Variants in NUP210L observed in about 807,000 individuals in gnomAD.
NUP210L encodes the protein nucleoporin 210 like.
NUP210L carries 74 observed loss-of-function variants against 208.5 expected under a neutral mutation model. The observed-to-expected ratio is 0.35, with a 90% CI of 0.29 to 0.43. The LOEUF is 0.43. Ranked by LOEUF, NUP210L falls within the 20% of genes least tolerant of loss-of-function variation. The pLI, the probability that NUP210L is intolerant of heterozygous loss-of-function variation, is 1.00. For synonymous variants in NUP210L, 780 were observed against 816.9 expected (o/e 0.95, Z 0.77); for missense variants, 1,843 against 2,289.4 (o/e 0.81, Z 3.98).
chr1:154,143,486 A>G (rs749391808), exon 3 of NUP210L: 64 of 1,613,916 alleles, frequency 4.0e-5, no homozygotes, highest in Non-Finnish European at 5.0e-5. Context: ...CCAGTGGCGA[A>G]TCATCTACAT....
rs904184379 is a variant in NUP210L at position 154,019,216 on chromosome 1, C to A, written c.4517-147G>T. 7.0e-6 allele frequency: 5 copies of A among 711,778 alleles called. No individual in the cohort carries two copies. The Admixed American group carries it at 1.2e-4, about 17-fold the overall frequency. The allele number at this position is 711,778 out of a possible 1,614,324, so 44.1% of individuals were successfully genotyped here. On this transcript the variant is annotated intron_variant, in intron 32 of 39. Coordinates refer to ENST00000368559, the Ensembl canonical transcript of NUP210L. ...CCAGCTTTGAAGATAACTGTTTTCT[C>A]AGTGTCAGGTTCCTCTTCGTATATC...
At position 154,056,448 on chromosome 1, in the gene NUP210L, T is replaced by C. The variant is rs180796293; in HGVS notation, c.3240+367A>G. On this transcript the variant is annotated intron_variant, in intron 23 of 39. Coordinates refer to ENST00000368559, the Ensembl canonical transcript of NUP210L. ...TTTTTTTCTTGAGACAGGGTCTCTC[T>C]CTGTCACTCAGGCTGGAGTGCAATG... Among the ~76,000 whole-genome samples the C allele has an allele frequency of 1.9e-3, 295 of 152,302 alleles. 2 individuals carry two copies. Among genetic ancestry groups the C allele is most frequent in the African/African-American group, 6.7e-3 (279 of 41,584 alleles).
At chr1:154,152,230 G>A (rs1659430799) in intron 2 of NUP210L, among the ~76,000 whole-genome samples, 2 of 151,072 alleles carry the variant, frequency 1.3e-5, no homozygotes, top group South Asian at 2.1e-4. Context: ...GAGTGCAGTG[G>A]CACAATCTTG....
intron 15 of NUP210L, among the ~76,000 whole-genome samples, chr1:154,092,301 G>A (rs540541252): frequency 2.7e-5 from 4 of 149,426 alleles, no homozygotes; most frequent in East Asian, 2.0e-4. Flanking sequence ...GGATGGTCTC[G>A]ATCTCCTGAC....
At chr1:154,022,172 A>G in exon 32 of NUP210L, 1 of 1,614,138 alleles carries the variant, frequency 6.2e-7, no homozygotes, top group Non-Finnish European at 8.5e-7. Context: ...TATCTCCAAC[A>G]AAGGTAAGCT....
intron 28 of NUP210L, among the ~76,000 whole-genome samples, chr1:154,028,702 C>T (rs1174045096): frequency 6.6e-6 from 1 of 152,084 alleles, no homozygotes; most frequent in Admixed American, 6.6e-5. Context: ...TCCTGTGTTC[C>T]TGATATGGGG....
At chr1:154,013,951 G>A (rs1376435779) in intron 33 of NUP210L, among the ~76,000 whole-genome samples, 1 of 152,074 alleles carries the variant, frequency 6.6e-6, no homozygotes, top group African/African-American at 2.4e-5. Flanking sequence ...CTTTAGTAGA[G>A]ATGGGATTTC....
Position 154,143,718 on chromosome 1 carries a change from T to C in NUP210L, c.341-141A>G, listed in dbSNP as rs1347717198. 3 of 632,308 alleles carry C rather than the reference T, an allele frequency of 4.7e-6. 1 individual carries two copies. The Admixed American group carries it at 1.1e-4, about 22-fold the overall frequency. The allele number at this position is 632,308 out of a possible 1,614,324, so 39.2% of individuals were successfully genotyped here. A position where few individuals can be genotyped will look rare whatever the true frequency, so the allele number is the denominator to read the frequency against. Reference sequence around the variant, plus strand: ...CTTTTACCTATGGAAGAAAATAGCATAATAATAAGATATAAGAGCCTTTCT... The same window carrying C: ...CTTTTACCTATGGAAGAAAATAGCACAATAATAAGATATAAGAGCCTTTCT... On this transcript the variant is annotated intron_variant, in intron 2 of 39. Coordinates refer to ENST00000368559, the Ensembl canonical transcript of NUP210L.
chr1:154,104,582 C>T (rs1656651183), intron 12 of NUP210L: 1 of 163,734 alleles, frequency 6.1e-6, no homozygotes, highest in African/African-American at 2.4e-5. Flanking sequence ...TGCACTCCCC[C>T]AGGTGCACAG....
Position 154,078,141 on chromosome 1 carries a change from C to CA in NUP210L, c.2362-7677dup, listed in dbSNP as rs141445303. On this transcript the variant is annotated intron_variant, in intron 16 of 39. Coordinates refer to ENST00000368559, the Ensembl canonical transcript of NUP210L. ...GCAACACAGCGAGACCTCATCTTTACAAAAAAAAAAAAATTACAAAAATTA... is the reference window on the plus strand; with the variant it reads ...GCAACACAGCGAGACCTCATCTTTACAAAAAAAAAAAAAATTACAAAAATTA... Among the ~76,000 whole-genome samples, 413 of 123,346 alleles carry CA rather than the reference C, an allele frequency of 3.3e-3. 1 individual carries two copies. The highest frequency in any genetic ancestry group is 9.1e-3 in the South Asian group (35 of 3,850). 80.9% of individuals were successfully genotyped at this position (123,346 alleles called of 152,430 possible).
intron 30 of NUP210L, among the ~76,000 whole-genome samples, chr1:154,024,480 C>T (rs1651743968): frequency 6.6e-6 from 1 of 152,012 alleles, no homozygotes; most frequent in Admixed American, 6.6e-5. Context: ...TTAAGACTAA[C>T]TTATCTCTGA....
chr1:154,047,018 A>T (rs1024342217), intron 25 of NUP210L, among the ~76,000 whole-genome samples: 4 of 152,050 alleles, frequency 2.6e-5, no homozygotes, highest in African/African-American at 9.7e-5. Context: ...AGATCATGCC[A>T]TCGCACTCCA....
intron 16 of NUP210L, among the ~76,000 whole-genome samples, chr1:154,089,176 T>C (rs950341148): frequency 1.3e-5 from 2 of 151,964 alleles, no homozygotes; most frequent in Non-Finnish European, 2.9e-5. Flanking sequence ...GAGTAATGAG[T>C]AAAATAGTTC....
intron 37 of NUP210L, 57 bp from the exon 38 acceptor site, chr1:153,995,237 C>T: frequency 2.4e-6 from 3 of 1,241,474 alleles, no homozygotes; most frequent in Non-Finnish European, 3.5e-6. Context: ...TGGGCAGATG[C>T]TGCATTTTTT....
chr1:154,094,143 C>T (rs577229938), intron 15 of NUP210L, among the ~76,000 whole-genome samples: 3 of 152,196 alleles, frequency 2.0e-5, no homozygotes, highest in South Asian at 2.1e-4. Context: ...ATTAGCCAGG[C>T]GTGGTGGCGT....
Position 153,994,982 on chromosome 1 carries a change from A to G in NUP210L, c.5491+94T>C. On this transcript the variant is annotated intron_variant, in intron 38 of 39. Coordinates refer to ENST00000368559, the Ensembl canonical transcript of NUP210L. Reference sequence around the variant, plus strand: ...AGCCAAGATTGCGCCACTGCACTCCAGCGTGGGCGACAGACTTAAACTCCA... The same window carrying G: ...AGCCAAGATTGCGCCACTGCACTCCGGCGTGGGCGACAGACTTAAACTCCA... The G allele has an allele frequency of 2.0e-5, 15 of 764,406 alleles. 1 individual carries two copies. The South Asian group carries it at 2.7e-4, about 14-fold the overall frequency. The allele number at this position is 764,406 out of a possible 1,614,324, so 47.4% of individuals were successfully genotyped here. A position where few individuals can be genotyped will look rare whatever the true frequency, so the allele number is the denominator to read the frequency against.
intron 17 of NUP210L, among the ~76,000 whole-genome samples, chr1:154,063,251 G>C (rs565275379): frequency 6.6e-6 from 1 of 152,010 alleles, no homozygotes; most frequent in Non-Finnish European, 1.5e-5. Context: ...AATATAGAGG[G>C]ACAGAAAACT....
At chr1:154,013,871 TCTC>T (rs1392620051) in intron 33 of NUP210L, among the ~76,000 whole-genome samples, 1 of 152,078 alleles carries the variant, frequency 6.6e-6, no homozygotes, top group African/African-American at 2.4e-5. Flanking sequence ...TTCCAGCAGT[TCTC>T]CTGCTTCAGC....
At chr1:153,993,641 G>C (rs544745375) in intron 38 of NUP210L, among the ~76,000 whole-genome samples, 1 of 151,414 alleles carries the variant, frequency 6.6e-6, no homozygotes, top group Non-Finnish European at 1.5e-5. Flanking sequence ...GGCTGTGTGT[G>C]GTGGCTCACG....
Sources: allele counts gnomAD v4.1 joint callset (sites outside exome capture counted in the v4.1 genomes callset), GRCh38; gene constraint gnomAD v4.1.1; transcripts MANE v1.5; gene names NCBI Gene and HGNC (gene_info 2026-07-23, HGNC 2026-07-21).